Variants in SLC35D4 observed in about 807,000 individuals in gnomAD.
SLC35D4 encodes the protein solute carrier family 35 member D4, also known as UDP-N-acetylglucosamine transporter SLC35D4.
the SLC35D4 span, among the ~76,000 whole-genome samples, chr18:23,416,801 TACGTAGA>T: frequency 6.6e-6 from 1 of 152,344 alleles, no homozygotes; most frequent in African/African-American, 2.4e-5. Flanking sequence ...TATTCCGAGA[TACGTAGA>T]ACCTAGCAGC....
At chr18:23,371,944 T>TGTTTTTTTTTTTG in the SLC35D4 span, among the ~76,000 whole-genome samples, 1 of 26,216 alleles carries the variant, frequency 3.8e-5, no homozygotes, top group African/African-American at 8.9e-5. Context: ...TGTTTTTTTT[T>TGTTTTTTTTTTTG]TTTTTTTTTG....
the SLC35D4 span, among the ~76,000 whole-genome samples, chr18:23,243,077 A>T: frequency 2.7e-5 from 4 of 150,814 alleles, no homozygotes; most frequent in Non-Finnish European, 5.9e-5. Context: ...ATTATAATTT[A>T]TATAGAATAT....
the SLC35D4 span, among the ~76,000 whole-genome samples, chr18:23,412,057 C>T: frequency 2.0e-5 from 3 of 152,212 alleles, no homozygotes; most frequent in Non-Finnish European, 2.9e-5. Context: ...TGGTGGCTTA[C>T]GCCTGTAATC....
At chr18:23,373,789 C>T in the SLC35D4 span, 1 of 1,608,602 alleles carries the variant, frequency 6.2e-7, no homozygotes, top group Non-Finnish European at 8.5e-7. Context: ...TAAAACACTG[C>T]AGCTTCACCT....
At chr18:23,290,476 C>G in the SLC35D4 span, among the ~76,000 whole-genome samples, 1 of 152,200 alleles carries the variant, frequency 6.6e-6, no homozygotes, top group Admixed American at 6.5e-5. Flanking sequence ...TCAGGGAGAA[C>G]AAATACCCCC....
chr18:23,309,480 C>T, the SLC35D4 span, among the ~76,000 whole-genome samples: 1 of 151,242 alleles, frequency 6.6e-6, no homozygotes, highest in Non-Finnish European at 1.5e-5. Flanking sequence ...ATGATATATG[C>T]ACTCTTCCCA....
At chr18:23,394,359 G>T in the SLC35D4 span, among the ~76,000 whole-genome samples, 6 of 152,150 alleles carry the variant, frequency 3.9e-5, no homozygotes, top group Non-Finnish European at 8.8e-5. Context: ...ATCATCTGTG[G>T]AGAAATACCT....
the SLC35D4 span, among the ~76,000 whole-genome samples, chr18:23,356,825 A>G: frequency 6.6e-6 from 1 of 152,176 alleles, no homozygotes; most frequent in African/African-American, 2.4e-5. The surrounding 1 kb of genome is among the most constrained non-coding windows in gnomAD (Gnocchi z 4.1). Flanking sequence ...TGTTACTGAC[A>G]TTGTCTTATC....
At chr18:23,283,214 T>C in the SLC35D4 span, among the ~76,000 whole-genome samples, 2 of 151,900 alleles carry the variant, frequency 1.3e-5, no homozygotes, top group African/African-American at 4.8e-5. Flanking sequence ...AGGCCGGGCG[T>C]AGTGGCTCAC....
At chr18:23,387,410 C>T in the SLC35D4 span, among the ~76,000 whole-genome samples, 1 of 152,234 alleles carries the variant, frequency 6.6e-6, no homozygotes, top group African/African-American at 2.4e-5. Flanking sequence ...AGAGGAACGA[C>T]CCAAATACTA....
At chr18:23,401,048 T>C in the SLC35D4 span, among the ~76,000 whole-genome samples, 1 of 152,254 alleles carries the variant, frequency 6.6e-6, no homozygotes. Context: ...TTCTTTTATA[T>C]GTTTTAAATG....
the SLC35D4 span, among the ~76,000 whole-genome samples, chr18:23,290,659 C>T: frequency 6.7e-6 from 1 of 148,940 alleles, no homozygotes; most frequent in East Asian, 2.0e-4. Context: ...TGGAGTCTCA[C>T]TGTGTCGCCC....
chr18:23,409,864 AG>A, the SLC35D4 span, among the ~76,000 whole-genome samples: 111,608 of 133,076 alleles, frequency 0.84, 45,574 homozygotes, highest in East Asian at 0.92. Flanking sequence ...AAAAAAAAAA[AG>A]AGGATGGTTG....
At chr18:23,238,656 T>C in the SLC35D4 span, among the ~76,000 whole-genome samples, 1 of 152,224 alleles carries the variant, frequency 6.6e-6, no homozygotes, top group East Asian at 1.9e-4. Context: ...GAGCAACTGG[T>C]GTAAGAATAA....
At chr18:23,310,875 T>C in the SLC35D4 span, among the ~76,000 whole-genome samples, 40 of 152,326 alleles carry the variant, frequency 2.6e-4, no homozygotes, top group African/African-American at 9.4e-4. Context: ...ACTTTCTGCC[T>C]CGCTTTATTG....
chr18:23,269,125 G>A, the SLC35D4 span, among the ~76,000 whole-genome samples: 1 of 152,304 alleles, frequency 6.6e-6, no homozygotes, highest in African/African-American at 2.4e-5. Context: ...GATGATGAGG[G>A]TTCCACAGAT....
the SLC35D4 span, among the ~76,000 whole-genome samples, chr18:23,341,472 G>A: frequency 6.6e-6 from 1 of 152,244 alleles, no homozygotes; most frequent in African/African-American, 2.4e-5. Context: ...AGGCCCCTCG[G>A]CCCCCTTAAC....
the SLC35D4 span, among the ~76,000 whole-genome samples, chr18:23,330,679 G>A: frequency 1.3e-5 from 2 of 152,144 alleles, no homozygotes; most frequent in Non-Finnish European, 2.9e-5. Flanking sequence ...CTCGCTCTGC[G>A]GAGCTGCAGA....
At chr18:23,240,374 A>G in the SLC35D4 span, among the ~76,000 whole-genome samples, 97 of 152,336 alleles carry the variant, frequency 6.4e-4, 1 homozygote, top group East Asian at 0.013. Flanking sequence ...ACACACAGGC[A>G]GGAGGCAGAG....
Sources: gnomAD v4.1 joint callset for allele counts (sites outside exome capture counted in the v4.1 genomes callset) on GRCh38, gnomAD v4.1.1 for gene constraint, Gnocchi (gnomAD v3.1) non-coding constraint, MANE v1.5 for transcripts, NCBI Gene and HGNC (gene_info 2026-07-23, HGNC 2026-07-21) for gene names.